Variants in DSTYK observed in about 807,000 individuals in gnomAD.
The protein encoded by DSTYK is RIP-homologous kinase.
A neutral mutation model predicts 98.7 loss-of-function variants in DSTYK; 34 were observed. That is an observed-to-expected ratio of 0.34 (90% confidence interval 0.26 to 0.46). The LOEUF is 0.46. Ranked by LOEUF, DSTYK falls within the 20% of genes least tolerant of loss-of-function variation. DSTYK has a pLI of 1.00. For synonymous variants in DSTYK, 462 were observed against 457.3 expected, an observed-to-expected ratio of 1.01 and a Z score of -0.13; for missense variants, 962 against 1,181.7, an observed-to-expected ratio of 0.81 and a Z score of 2.73.
At chr1:205,201,872 C>A (rs1659051290) in intron 1 of DSTYK, among the ~76,000 whole-genome samples, 1 of 152,094 alleles carries the variant, frequency 6.6e-6, no homozygotes, top group Non-Finnish European at 1.5e-5. Flanking sequence ...CCAGCCTGAC[C>A]AACATGGTGA....
At chr1:205,178,834 C>A (rs1282247915) in intron 2 of DSTYK, among the ~76,000 whole-genome samples, 1 of 152,088 alleles carries the variant, frequency 6.6e-6, no homozygotes, top group Non-Finnish European at 1.5e-5. Flanking sequence ...CATACCAATT[C>A]TAAAAGATAG....
intron 9 of DSTYK, among the ~76,000 whole-genome samples, chr1:205,159,210 C>T (rs1158189346): frequency 1.3e-5 from 2 of 152,110 alleles, no homozygotes; most frequent in East Asian, 3.9e-4. Context: ...CAGCTCAGCA[C>T]CCTCAAGTAG....
In DSTYK at chr1:205,187,586, C is replaced by A; in HGVS notation, c.486G>T (p.Arg162=). 1 of 1,614,146 alleles carries A rather than the reference C, an allele frequency of 6.2e-7. No individual in the cohort carries two copies. The highest frequency in any genetic ancestry group is 8.5e-7 in the Non-Finnish European group (1 of 1,180,038). ...RLRFTYGTQT[R]VSLALPGQYE... ...ACTGTCCAGGGAGCGCCAGGCTGACCCGAGTCTGAGTCCCATAGGTGAAGC... is the reference window on the plus strand; with the variant it reads ...ACTGTCCAGGGAGCGCCAGGCTGACACGAGTCTGAGTCCCATAGGTGAAGC... Residue 162 remains arginine, a synonymous_variant, in exon 2 of 13, where the codon CGG becomes CGT. Transcript: ENST00000367162.
At chr1:205,197,138 GAA>G (rs796935302) in intron 1 of DSTYK, among the ~76,000 whole-genome samples, 1 of 137,272 alleles carries the variant, frequency 7.3e-6, no homozygotes, top group Non-Finnish European at 1.6e-5. Context: ...GTGATGAAAG[GAA>G]AAAAAAAAAA....
At chr1:205,160,337 T>C in intron 7 of DSTYK, 67 bp from the exon 8 acceptor site, 1 of 1,422,702 alleles carries the variant, frequency 7.0e-7, no homozygotes, top group South Asian at 1.3e-5. Context: ...TCTGTAAGAT[T>C]CTTTTTTTTT....
chr1:205,203,668 T>C (rs1659116823), intron 1 of DSTYK, among the ~76,000 whole-genome samples: 1 of 150,932 alleles, frequency 6.6e-6, no homozygotes, highest in African/African-American at 2.4e-5. Context: ...GTAATCCCAG[T>C]GCTTTGGGAG....
At chr1:205,153,389 A>G (rs1164778607) in intron 10 of DSTYK, among the ~76,000 whole-genome samples, 1 of 152,082 alleles carries the variant, frequency 6.6e-6, no homozygotes, top group African/African-American at 2.4e-5. Flanking sequence ...ATCAAACCTT[A>G]AGCAATAACA....
chr1:205,172,268 T>C (rs1658087182), intron 2 of DSTYK, among the ~76,000 whole-genome samples: 1 of 151,114 alleles, frequency 6.6e-6, no homozygotes, highest in Non-Finnish European at 1.5e-5. Flanking sequence ...GAGCAGTAGG[T>C]ATTTTTGATA....
At chr1:205,158,129 T>A (rs1228514208) in intron 9 of DSTYK, among the ~76,000 whole-genome samples, 1 of 152,158 alleles carries the variant, frequency 6.6e-6, no homozygotes, top group Non-Finnish European at 1.5e-5. Flanking sequence ...TACTGGAAAA[T>A]GTCACATCAC....
At chr1:205,178,485 G>A (rs1265394133) in intron 2 of DSTYK, among the ~76,000 whole-genome samples, 2 of 151,988 alleles carry the variant, frequency 1.3e-5, no homozygotes, top group Non-Finnish European at 2.9e-5. Context: ...GAAATAGAAA[G>A]GAGGGAAAAC....
chr1:205,152,059 T>C (rs907420788), intron 10 of DSTYK, among the ~76,000 whole-genome samples: 1 of 152,248 alleles, frequency 6.6e-6, no homozygotes, highest in East Asian at 1.9e-4. Flanking sequence ...AATTGTGCTA[T>C]ACTTTTATAT....
intron 1 of DSTYK, among the ~76,000 whole-genome samples, chr1:205,199,359 T>C (rs1286098277): frequency 6.6e-6 from 1 of 152,208 alleles, no homozygotes; most frequent in Non-Finnish European, 1.5e-5. Context: ...CCACAGGGGA[T>C]ACTGATGAGT....
intron 1 of DSTYK, among the ~76,000 whole-genome samples, chr1:205,198,509 A>G: frequency 6.6e-6 from 1 of 152,182 alleles, no homozygotes; most frequent in African/African-American, 2.4e-5. Context: ...ATTCCCCCAC[A>G]TTCCTCCTTG....
chr1:205,160,518 T>C (rs1657686519), intron 7 of DSTYK, among the ~76,000 whole-genome samples: 1 of 151,928 alleles, frequency 6.6e-6, no homozygotes, highest in Non-Finnish European at 1.5e-5. Context: ...ACAGTTTTAT[T>C]AGAGACGGGG....
chr1:205,159,652 C>A lies in DSTYK; in HGVS notation c.2133G>T (p.Val711=). ...MRSLPKHERL[V]DLHGSVIDYN... ...AGTCAATGACTGAACCATGGAGATCCACCAATCGCTCATGCTTCGGCAGAG... is the reference window on the plus strand; with the variant it reads ...AGTCAATGACTGAACCATGGAGATCAACCAATCGCTCATGCTTCGGCAGAG... The change falls in exon 9 of 13, where the codon GTG becomes GTT. Residue 711 remains valine (V), a synonymous_variant. Coordinates refer to ENST00000367162, the MANE Select transcript of DSTYK (RefSeq NM_015375.3). 1 of 1,613,718 alleles carries A rather than the reference C, an allele frequency of 6.2e-7. No individual in the cohort carries two copies.
In DSTYK at chr1:205,163,846, A is replaced by G. The variant is rs768981307; in HGVS notation, c.1434T>C (p.Asn478=). 7.4e-6 allele frequency: 12 copies of G among 1,614,054 alleles called. No individual in the cohort carries two copies. The highest frequency in any genetic ancestry group is 2.2e-5 in the South Asian group (2 of 91,082). The part of the protein sequence containing the change: ...IISRLNQAVA[N]KLISSVDYLR... Reference sequence around the variant, plus strand: ...GGTAATCCACTGAGCTGATCAGCTTATTAGCCACTGCCTGATTAAGTCGGG... The same window carrying G: ...GGTAATCCACTGAGCTGATCAGCTTGTTAGCCACTGCCTGATTAAGTCGGG... The change falls in exon 4 of 13, where the codon AAT becomes AAC. Residue 478 remains asparagine (N), a synonymous_variant. Coordinates refer to ENST00000367162, the MANE Select transcript of DSTYK (RefSeq NM_015375.3).
At position 205,161,249 on chromosome 1, in the gene DSTYK, C is replaced by A; in HGVS notation, c.1948+9G>T. 6.2e-7 allele frequency: 1 copy of A among 1,613,578 alleles called. No individual in the cohort carries two copies. Among genetic ancestry groups the A allele is most frequent in the Admixed American group, 1.7e-5 (1 of 59,918 alleles). The stretch of plus-strand genomic sequence containing the variant: ...TCCTCCAGTTTATCTAGAAGAAAAC[C>A]AGACTCACGATGAAGCAAGACATCC... On this transcript the variant is annotated intron_variant, in intron 7 of 12. Transcript: ENST00000367162.
At chr1:205,205,596 C>T (rs1659176637) in intron 1 of DSTYK, among the ~76,000 whole-genome samples, 2 of 152,018 alleles carry the variant, frequency 1.3e-5, no homozygotes, top group African/African-American at 4.8e-5. Context: ...TAGGCCCGCA[C>T]CGCCATGCCC....
chr1:205,171,047 A>G (rs977751611), intron 2 of DSTYK, among the ~76,000 whole-genome samples: 1 of 147,900 alleles, frequency 6.8e-6, no homozygotes, highest in Non-Finnish European at 1.5e-5. Flanking sequence ...AAAAAAACCC[A>G]AAAACTCTAT....
Sources: gnomAD v4.1 joint callset for allele counts (sites outside exome capture counted in the v4.1 genomes callset) on GRCh38, gnomAD v4.1.1 for gene constraint, MANE v1.5 for transcripts, NCBI Gene and HGNC (gene_info 2026-07-23, HGNC 2026-07-21) for gene names.